The following GALNT17 variants were observed in gnomAD, a reference collection of about 807,000 sequenced individuals.
The protein encoded by GALNT17 is UDP-GalNAc:polypeptide N-acetylgalactosaminyltransferase-like 3.
A neutral mutation model predicts 63.7 loss-of-function variants in GALNT17; 29 were observed. That is an observed-to-expected ratio of 0.46 (90% CI 0.34 to 0.62). The LOEUF (loss-of-function observed/expected upper bound fraction) is 0.62. Among genes scored for constraint, GALNT17 ranks in the 20% least tolerant of loss-of-function variants. The pLI, the probability that GALNT17 is intolerant of heterozygous loss-of-function variation, is 0.01. For missense variants in GALNT17, 603 were observed against 799.6 expected (o/e 0.75, Z 2.97); for synonymous variants, 305 against 318.3 (o/e 0.96, Z 0.45).
chr7:71,509,505 A>T (rs932125523), intron 5 of GALNT17, among the ~76,000 whole-genome samples: 1 of 152,216 alleles, frequency 6.6e-6, no homozygotes, highest in Non-Finnish European at 1.5e-5. Context: ...CCTCACAAGT[A>T]TGTTGACCAA....
intron 2 of GALNT17, among the ~76,000 whole-genome samples, chr7:71,386,218 A>G (rs751061109): frequency 2.6e-5 from 4 of 152,238 alleles, no homozygotes; most frequent in Non-Finnish European, 4.4e-5. Context: ...ACATATTGTA[A>G]CAAAACTTTA....
chr7:71,568,615 A>G (rs1789387969), intron 5 of GALNT17, among the ~76,000 whole-genome samples: 1 of 152,104 alleles, frequency 6.6e-6, no homozygotes, highest in Non-Finnish European at 1.5e-5. Context: ...TTTGCTTAGG[A>G]TAGTGGTCTC....
intron 1 of GALNT17, among the ~76,000 whole-genome samples, chr7:71,303,158 C>T (rs1429171445): frequency 1.4e-5 from 1 of 71,562 alleles, no homozygotes; most frequent in Non-Finnish European, 3.8e-5. Flanking sequence ...CCACTGCACC[C>T]AGCCTTTTTT....
chr7:71,515,843 G>C lies in GALNT17; in HGVS notation c.963-55442G>C, dbSNP rs138520712. 3.9e-5 allele frequency among the ~76,000 whole-genome samples: 6 copies of C among 152,208 alleles called. No individual in the cohort carries two copies. The East Asian group carries it at 9.7e-4, about 25-fold the overall frequency. ...TGGGACCTGTGTTTTTTCCAAAGAG[G>C]GTTTTGAGGACTTCAATATTTGAAG... On this transcript the variant is annotated intron_variant, in intron 5 of 10. Coordinates refer to ENST00000333538, the MANE Select transcript of GALNT17 (RefSeq NM_022479.3).
At chr7:71,510,529 CAT>C (rs1210604519) in intron 5 of GALNT17, among the ~76,000 whole-genome samples, 2 of 152,100 alleles carry the variant, frequency 1.3e-5, no homozygotes. Context: ...AGTGCAGACT[CAT>C]AGGCCAAGGT....
At chr7:71,353,132 A>T (rs117504799) in intron 2 of GALNT17, among the ~76,000 whole-genome samples, 2,895 of 152,252 alleles carry the variant, frequency 0.019, 44 homozygotes, top group Non-Finnish European at 0.033. Flanking sequence ...ATTGTTCCTT[A>T]TAAAATTCCC....
intron 5 of GALNT17, among the ~76,000 whole-genome samples, chr7:71,462,904 C>T (rs566551392): frequency 1.3e-5 from 2 of 152,298 alleles, no homozygotes; most frequent in East Asian, 3.9e-4. Context: ...TTTCCTTTCA[C>T]ATGGCTGTAA....
chr7:71,483,039 C>G (rs1787849330), intron 5 of GALNT17, among the ~76,000 whole-genome samples: 1 of 152,134 alleles, frequency 6.6e-6, no homozygotes, highest in Non-Finnish European at 1.5e-5. Flanking sequence ...CAGCCTGGTT[C>G]CTGAAAGGTC....
chr7:71,678,702 G>A (rs1791188887), intron 9 of GALNT17, among the ~76,000 whole-genome samples: 1 of 151,976 alleles, frequency 6.6e-6, no homozygotes, highest in South Asian at 2.1e-4. Flanking sequence ...GGCTGAGGCA[G>A]GAGAATAGCA....
intron 3 of GALNT17, among the ~76,000 whole-genome samples, chr7:71,403,520 T>G (rs906832766): frequency 6.6e-6 from 1 of 152,208 alleles, no homozygotes; most frequent in Non-Finnish European, 1.5e-5. Flanking sequence ...TCTGCAGCCC[T>G]TTTGGATGCT....
At chr7:71,374,357 G>A (rs73360139) in intron 2 of GALNT17, among the ~76,000 whole-genome samples, 2,862 of 152,312 alleles carry the variant, frequency 0.019, 101 homozygotes, top group African/African-American at 0.065. Context: ...TAGGCTGTAC[G>A]GTTCCAGCAT....
At chr7:71,359,260 T>C (rs981300760) in intron 2 of GALNT17, among the ~76,000 whole-genome samples, 4 of 152,168 alleles carry the variant, frequency 2.6e-5, no homozygotes, top group African/African-American at 9.6e-5. Flanking sequence ...TTTGCTCAGG[T>C]TCTGTCGAAT....
At chr7:71,564,339 C>T (rs1287405476) in intron 5 of GALNT17, among the ~76,000 whole-genome samples, 1 of 127,490 alleles carries the variant, frequency 7.8e-6, no homozygotes, top group African/African-American at 2.9e-5. Context: ...GGCTGGAGTG[C>T]AGTGTGGCAT....
chr7:71,600,343 G>A (rs1484204730), intron 6 of GALNT17, among the ~76,000 whole-genome samples: 5 of 151,942 alleles, frequency 3.3e-5, no homozygotes, highest in Admixed American at 6.6e-5. Context: ...GAGAGAGCCA[G>A]TTTTTCCTGG....
intron 3 of GALNT17, among the ~76,000 whole-genome samples, chr7:71,402,652 C>G (rs755299533): frequency 1.3e-5 from 2 of 149,574 alleles, no homozygotes; most frequent in South Asian, 4.2e-4. Context: ...CATCTTGTCT[C>G]GGTTGGTTGT....
chr7:71,682,881 T>G lies in GALNT17; in HGVS notation c.1500+5575T>G, dbSNP rs118157570. 8.2e-3 allele frequency among the ~76,000 whole-genome samples: 1,253 copies of G among 152,136 alleles called. 12 individuals carry two copies. The highest frequency in any genetic ancestry group is 0.013 in the Non-Finnish European group (884 of 68,014). On this transcript the variant is annotated intron_variant, in intron 9 of 10. Coordinates refer to ENST00000333538, the MANE Select transcript of GALNT17 (RefSeq NM_022479.3). ...CTGTGCTTGAGCCTGTGGTTAAAAT[T>G]TAATGAGGGCTTTCACTCTGAAGGT...
At chr7:71,175,423 A>G (rs938271350) in intron 1 of GALNT17, among the ~76,000 whole-genome samples, 4 of 152,250 alleles carry the variant, frequency 2.6e-5, no homozygotes, top group Admixed American at 1.3e-4. Flanking sequence ...TGTATCATCT[A>G]TCTATCTTAT....
intron 5 of GALNT17, among the ~76,000 whole-genome samples, chr7:71,568,779 A>T (rs974821926): frequency 6.6e-6 from 1 of 152,214 alleles, no homozygotes; most frequent in African/African-American, 2.4e-5. Flanking sequence ...ATCTATTGAT[A>T]CTATACTACA....
chr7:71,661,194 G>A (rs770665836), intron 6 of GALNT17, among the ~76,000 whole-genome samples: 1 of 152,206 alleles, frequency 6.6e-6, no homozygotes, highest in Non-Finnish European at 1.5e-5. Flanking sequence ...TACAGCTGTA[G>A]GTCAGCTCTC....
Sources: allele counts gnomAD v4.1 joint callset (sites outside exome capture counted in the v4.1 genomes callset), GRCh38; gene constraint gnomAD v4.1.1; transcripts MANE v1.5; gene names NCBI Gene and HGNC (gene_info 2026-07-23, HGNC 2026-07-21).